Variants in TSPAN18 observed in about 807,000 individuals in gnomAD.
TSPAN18 encodes tetraspanin 18, also known as tetraspanin-18.
In TSPAN18, 14 loss-of-function variants were observed where a neutral mutation model predicts 27.3. The ratio of observed to expected loss-of-function variants is 0.51; its 90% confidence interval spans 0.34 to 0.80. The LOEUF (loss-of-function observed/expected upper bound fraction) is 0.80, where lower values mean the gene tolerates loss of function less well. TSPAN18 is among the 30% of genes least tolerant of loss of function. The probability of loss-of-function intolerance (pLI) is 0.01; values close to 1 mark genes in which losing one functional copy is unlikely to be tolerated. For missense variants in TSPAN18, 268 were observed against 323.9 expected, an observed-to-expected ratio of 0.83 and a Z score of 1.32; for synonymous variants, 143 against 136.5, an observed-to-expected ratio of 1.05 and a Z score of -0.33.
At chr11:44,872,666 A>T (rs1358234893) in intron 3 of TSPAN18, among the ~76,000 whole-genome samples, 1 of 152,192 alleles carries the variant, frequency 6.6e-6, no homozygotes, top group Non-Finnish European at 1.5e-5. Context: ...TGCTTTACAT[A>T]AGTTATTGAA....
intron 2 of TSPAN18, among the ~76,000 whole-genome samples, chr11:44,853,230 A>G (rs1590581983): frequency 6.6e-6 from 1 of 151,822 alleles, no homozygotes; most frequent in East Asian, 1.9e-4. Flanking sequence ...GAGACTGTGG[A>G]GGTTATAGCT....
At chr11:44,748,696 ATTC>A (rs1381886087) in intron 1 of TSPAN18, among the ~76,000 whole-genome samples, 2 of 152,168 alleles carry the variant, frequency 1.3e-5, no homozygotes, top group Non-Finnish European at 2.9e-5. Flanking sequence ...CCGCACTTTT[ATTC>A]TTCTCATTTC....
chr11:44,850,895 G>A (rs1475013696), intron 2 of TSPAN18, among the ~76,000 whole-genome samples: 1 of 152,104 alleles, frequency 6.6e-6, no homozygotes, highest in African/African-American at 2.4e-5. Flanking sequence ...CCATCTGTGG[G>A]CACTTAGCCC....
At chr11:44,824,062 C>A (rs780890323) in intron 2 of TSPAN18, among the ~76,000 whole-genome samples, 3 of 152,202 alleles carry the variant, frequency 2.0e-5, no homozygotes, top group Non-Finnish European at 4.4e-5. Context: ...AGCTCCACCT[C>A]CTGCTGTCGG....
At chr11:44,735,897 G>A (rs1048806143) in intron 1 of TSPAN18, among the ~76,000 whole-genome samples, 4 of 152,126 alleles carry the variant, frequency 2.6e-5, no homozygotes, top group African/African-American at 9.7e-5. Context: ...GATTACAGGC[G>A]TGAGCCACCA....
At chr11:44,854,175 G>T (rs560686189) in intron 2 of TSPAN18, among the ~76,000 whole-genome samples, 27 of 129,856 alleles carry the variant, frequency 2.1e-4, no homozygotes, top group African/African-American at 7.8e-4. Context: ...AGAGCTCCTT[G>T]GTCTCTGCTC....
intron 8 of TSPAN18, among the ~76,000 whole-genome samples, chr11:44,921,030 G>T (rs1590696075): frequency 1.3e-5 from 2 of 152,170 alleles, no homozygotes; most frequent in East Asian, 3.9e-4. Flanking sequence ...CTGGGGCTCT[G>T]GCGGGCCCTT....
chr11:44,822,520 T>C (rs949324889), intron 2 of TSPAN18, among the ~76,000 whole-genome samples: 4 of 151,602 alleles, frequency 2.6e-5, no homozygotes, highest in Non-Finnish European at 4.4e-5. Context: ...TTCTCACCAA[T>C]GATAGTGGAA....
Position 44,919,315 on chromosome 11 carries a change from G to T in TSPAN18, c.432+3G>T, listed in dbSNP as rs1455057462. ...CCTGGAACTCGGTCATGATCACAGT[G>T]AGTGACGCCCCAGAGATGCTATGAA... On this transcript the variant is annotated splice_donor_region_variant and intron_variant, in intron 7 of 9. Coordinates refer to ENST00000520358, the MANE Select transcript of TSPAN18 (RefSeq NM_130783.5). The T allele has an allele frequency of 6.2e-7, 1 of 1,612,316 alleles. No individual in the cohort carries two copies.
At chr11:44,897,670 G>C in intron 3 of TSPAN18, 2 of 914,486 alleles carry the variant, frequency 2.2e-6, no homozygotes, top group Non-Finnish European at 3.1e-6. Flanking sequence ...CTGGAGGGCG[G>C]GTTTTCATAA....
intron 6 of TSPAN18, among the ~76,000 whole-genome samples, chr11:44,918,717 C>T (rs1027346087): frequency 2.0e-5 from 3 of 152,100 alleles, no homozygotes; most frequent in Non-Finnish European, 2.9e-5. Flanking sequence ...GGGCACCACC[C>T]AGGGCCCTAG....
intron 2 of TSPAN18, among the ~76,000 whole-genome samples, chr11:44,836,379 T>C (rs989420094): frequency 3.9e-5 from 6 of 152,200 alleles, no homozygotes; most frequent in Admixed American, 2.6e-4. Context: ...TCTCTTCAAT[T>C]CTGTGAAGGC....
chr11:44,878,441 A>C (rs1453104040), intron 3 of TSPAN18, among the ~76,000 whole-genome samples: 1 of 152,046 alleles, frequency 6.6e-6, no homozygotes. Flanking sequence ...TTTCCTTTGG[A>C]ACAAGCAGGA....
intron 3 of TSPAN18, among the ~76,000 whole-genome samples, chr11:44,887,383 A>G (rs1020695469): frequency 6.6e-6 from 1 of 152,196 alleles, no homozygotes; most frequent in Non-Finnish European, 1.5e-5. Context: ...ACTGTACTCA[A>G]AGAGCACTGG....
intron 2 of TSPAN18, among the ~76,000 whole-genome samples, chr11:44,804,778 C>T (rs1386457686): frequency 6.9e-6 from 1 of 144,824 alleles, no homozygotes; most frequent in African/African-American, 2.6e-5. Context: ...AAAACAACAA[C>T]TGGATTGCAT....
Position 44,876,130 on chromosome 11 carries a change from C to T in TSPAN18, c.-11+15661C>T, listed in dbSNP as rs1033819657. Among the ~76,000 whole-genome samples the T allele has an allele frequency of 4.7e-4, 72 of 152,202 alleles. 3 individuals carry two copies. The highest frequency in any genetic ancestry group is 2.9e-5 in the Non-Finnish European group (2 of 68,042). On this transcript the variant is annotated intron_variant, in intron 3 of 9. Coordinates refer to ENST00000520358, the MANE Select transcript of TSPAN18 (RefSeq NM_130783.5). ...CCCTGTGCTTCCTGTCCCCAGTCCC[C>T]TTTTGTGGAACAAAAGTTCTTCTGT...
chr11:44,758,008 G>A (rs1467821676), intron 1 of TSPAN18, among the ~76,000 whole-genome samples: 1 of 151,994 alleles, frequency 6.6e-6, no homozygotes, highest in Non-Finnish European at 1.5e-5. Flanking sequence ...TTTGTTGTCT[G>A]GGCTTTTAGT....
At chr11:44,875,120 C>T (rs372309458) in intron 3 of TSPAN18, among the ~76,000 whole-genome samples, 114 of 152,338 alleles carry the variant, frequency 7.5e-4, no homozygotes, top group South Asian at 3.9e-3. Context: ...CATTCTCCCC[C>T]GTGGGGCCCT....
intron 6 of TSPAN18, among the ~76,000 whole-genome samples, chr11:44,918,912 G>A (rs374451803): frequency 6.6e-5 from 10 of 151,936 alleles, no homozygotes; most frequent in South Asian, 6.2e-4. Flanking sequence ...GGGGTGAGGT[G>A]CAAACTCCCC....
Sources: allele counts gnomAD v4.1 joint callset (sites outside exome capture counted in the v4.1 genomes callset), GRCh38; gene constraint gnomAD v4.1.1; transcripts MANE v1.5; gene names NCBI Gene and HGNC (gene_info 2026-07-23, HGNC 2026-07-21).